Variants in ADGRL2 observed in about 807,000 individuals in gnomAD.
The protein encoded by ADGRL2 is calcium-independent alpha-latrotoxin receptor 2.
ADGRL2 carries 44 observed loss-of-function variants against 157.4 expected under a neutral mutation model. That is an observed-to-expected ratio of 0.28 (90% confidence interval 0.22 to 0.36). The LOEUF (loss-of-function observed/expected upper bound fraction) is 0.36. Ranked by LOEUF, ADGRL2 falls within the 10% of genes least tolerant of loss-of-function variation. The pLI is 1.00. For synonymous variants in ADGRL2, 585 were observed against 624.7 expected, an observed-to-expected ratio of 0.94 and a Z score of 0.95; for missense variants, 1,510 against 1,768.9, an observed-to-expected ratio of 0.85 and a Z score of 2.63.
At chr1:81,461,036 C>T (rs1382582861) in intron 2 of ADGRL2, among the ~76,000 whole-genome samples, 1 of 152,160 alleles carries the variant, frequency 6.6e-6, no homozygotes, top group Non-Finnish European at 1.5e-5. Context: ...GACCCCTCTG[C>T]TTGCCCAGGG....
intron 1 of ADGRL2, chr1:81,722,624 A>G (rs1194418224): frequency 8.4e-6 from 12 of 1,422,792 alleles, no homozygotes; most frequent in Non-Finnish European, 1.2e-5. Flanking sequence ...CTTGCCTGTA[A>G]ATTGGATTAC....
At chr1:81,699,014 G>A (rs2083502979), upstream of ADGRL2, among the ~76,000 whole-genome samples, 1 of 152,012 alleles carries the variant, frequency 6.6e-6, no homozygotes, top group South Asian at 2.1e-4. Flanking sequence ...TTTCTCTTTA[G>A]AAGAAGTAAA....
chr1:81,503,280 G>C (rs1330881873), intron 2 of ADGRL2: 10 of 1,614,060 alleles, frequency 6.2e-6, no homozygotes, highest in Non-Finnish European at 8.5e-6. Flanking sequence ...ACATGTCTGT[G>C]GACATCGATG....
intron 1 of ADGRL2, among the ~76,000 whole-genome samples, chr1:81,380,103 C>T (rs2076318180): frequency 6.6e-6 from 1 of 152,314 alleles, no homozygotes; most frequent in East Asian, 1.9e-4. Context: ...CAAACGGCTT[C>T]TTTTCCCCTC....
At chr1:81,683,418 T>C (rs552758769) in intron 3 of ADGRL2, among the ~76,000 whole-genome samples, 1 of 152,138 alleles carries the variant, frequency 6.6e-6, no homozygotes. Context: ...CACTGCACCA[T>C]ATTTGTAGTC....
At chr1:81,773,956 G>A (rs9724933) in intron 2 of ADGRL2, among the ~76,000 whole-genome samples, 44,578 of 151,982 alleles carry the variant, frequency 0.29, 7,423 homozygotes, top group East Asian at 0.77. Flanking sequence ...ATTAGGACAC[G>A]GACACACACA....
At position 81,408,864 on chromosome 1, in the gene ADGRL2, G is replaced by A. The variant is rs115188942; in HGVS notation, c.-301-36172G>A. On this transcript the variant is annotated intron_variant, in intron 1 of 24. Transcript: ENST00000370721. ...TAAGCGTTCATTAGTTTACATGGGA[G>A]GGGCCAAAGAAATAAAGCAGCAACA... Among the ~76,000 whole-genome samples the A allele has an allele frequency of 3.8e-3, 582 of 152,294 alleles. 3 individuals carry two copies. Among genetic ancestry groups the A allele is most frequent in the African/African-American group, 0.014 (561 of 41,552 alleles).
At chr1:81,393,152 T>C (rs923593704) in intron 1 of ADGRL2, among the ~76,000 whole-genome samples, 1 of 152,110 alleles carries the variant, frequency 6.6e-6, no homozygotes, top group Non-Finnish European at 1.5e-5. Flanking sequence ...ATATAACTAG[T>C]TCCCTACTCT....
rs183519631 is a variant in ADGRL2 at position 81,403,961 on chromosome 1, C to G, written c.-301-41075C>G. Among the ~76,000 whole-genome samples the G allele has an allele frequency of 7.1e-3, 1,084 of 152,130 alleles. 11 individuals carry two copies. The highest frequency in any genetic ancestry group is 0.012 in the Non-Finnish European group (782 of 67,970). On this transcript the variant is annotated intron_variant, in intron 1 of 24. Coordinates refer to the ADGRL2 transcript ENST00000370721. ...TACAGGTGCGCACCACCACACCCAGCTAATTTTTGTATTTTTAGTAGAGAC... is the reference window on the plus strand; with the variant it reads ...TACAGGTGCGCACCACCACACCCAGGTAATTTTTGTATTTTTAGTAGAGAC...
rs565898186 is a variant in ADGRL2, at chr1:81,383,531, T to C, written c.-301-61505T>C. Among the ~76,000 whole-genome samples the C allele has an allele frequency of 6.6e-5, 10 of 152,092 alleles. No homozygotes were observed. The South Asian group carries it at 1.9e-3, about 28-fold the overall frequency. ...GAGTTTGTCAAAAAAGCTCAACTTC[T>C]CTGATAATTTTTTAAAATGCAAATT... On this transcript the variant is annotated intron_variant, in intron 1 of 24. Transcript: ENST00000370721.
At chr1:81,816,003 G>A (rs1301359975) in intron 1 of ADGRL2, among the ~76,000 whole-genome samples, 1 of 151,666 alleles carries the variant, frequency 6.6e-6, no homozygotes, top group African/African-American at 2.4e-5. Context: ...AAAAATTAGG[G>A]AGTAAGAATG....
chr1:81,801,660 G>A (rs1307198290), intron 1 of ADGRL2, among the ~76,000 whole-genome samples: 1 of 152,186 alleles, frequency 6.6e-6, no homozygotes, highest in Non-Finnish European at 1.5e-5. Context: ...CGAAATGTGA[G>A]GAGGGGTCGC....
intron 2 of ADGRL2, among the ~76,000 whole-genome samples, chr1:81,462,549 T>G (rs1013380886): frequency 1.3e-5 from 2 of 152,128 alleles, no homozygotes; most frequent in East Asian, 3.9e-4. Context: ...GTGATTAATT[T>G]TTTTCCTACA....
chr1:81,344,173 A>G (rs1460117862), intron 1 of ADGRL2, among the ~76,000 whole-genome samples: 1 of 152,156 alleles, frequency 6.6e-6, no homozygotes, highest in Non-Finnish European at 1.5e-5. Flanking sequence ...GGTTCAAGCA[A>G]TTCTCATGCC....
intron 2 of ADGRL2, among the ~76,000 whole-genome samples, chr1:81,858,711 T>TA (rs1016421970): frequency 2.6e-5 from 4 of 152,062 alleles, no homozygotes; most frequent in African/African-American, 7.2e-5. Flanking sequence ...TAGCACACTC[T>TA]AAAAAATGAT....
chr1:81,528,562 G>A (rs2079522434), intron 2 of ADGRL2, among the ~76,000 whole-genome samples: 1 of 147,818 alleles, frequency 6.8e-6, no homozygotes, highest in Non-Finnish European at 1.5e-5. Flanking sequence ...CCGGAGAATG[G>A]CATGAACCAG....
rs181040950 is a variant in ADGRL2, at chr1:81,835,531, G to T, written c.-100-1354G>T. Among the ~76,000 whole-genome samples the T allele has an allele frequency of 2.4e-3, 365 of 152,278 alleles. 2 individuals are homozygous for T. The highest frequency in any genetic ancestry group is 6.8e-3 in the Middle Eastern group (2 of 294). ...TCTATGGGAGCTCAGAGTGAAAAAT[G>T]TACAGAGCCAGCCAGCTAGTTTTGC... On this transcript the variant is annotated intron_variant, in intron 1 of 23. Coordinates refer to ENST00000686636, the MANE Select transcript of ADGRL2 (RefSeq NM_001366006.2).
chr1:81,402,207 T>C (rs1250839744), intron 1 of ADGRL2, among the ~76,000 whole-genome samples: 1 of 152,226 alleles, frequency 6.6e-6, no homozygotes, highest in African/African-American at 2.4e-5. Flanking sequence ...GGATCCTTGC[T>C]GTTTTTCTTA....
intron 2 of ADGRL2, among the ~76,000 whole-genome samples, chr1:81,452,666 C>T (rs2077723675): frequency 6.6e-6 from 1 of 152,162 alleles, no homozygotes; most frequent in Admixed American, 6.5e-5. Context: ...AATAGCATTT[C>T]CTGCACCTTA....
Sources: allele counts gnomAD v4.1 joint callset (sites outside exome capture counted in the v4.1 genomes callset), GRCh38; gene constraint gnomAD v4.1.1; transcripts MANE v1.5; gene names NCBI Gene and HGNC (gene_info 2026-07-23, HGNC 2026-07-21).